The following NBPF20 variants were observed in gnomAD, a reference collection of about 807,000 sequenced individuals.
NBPF20 encodes NBPF member 20, also known as NBPF family member NBPF20.
A neutral mutation model predicts 68.1 loss-of-function variants in NBPF20; 90 were observed. That is an observed-to-expected ratio of 1.32 (90% confidence interval 1.11 to 1.58). The LOEUF is 1.58. Ranked by LOEUF, NBPF20 falls within the 40% of genes most tolerant of loss-of-function variation. The pLI, the probability that NBPF20 is intolerant of heterozygous loss-of-function variation, is 0.00. For missense variants in NBPF20, 816 were observed against 601.2 expected, an observed-to-expected ratio of 1.36 and a Z score of -3.74; for synonymous variants, 290 against 228.1, an observed-to-expected ratio of 1.27 and a Z score of -2.45.
intron 7 of NBPF20, among the ~76,000 whole-genome samples, chr1:145,396,695 T>C (rs1662259449): frequency 1.3e-5 from 2 of 149,362 alleles, no homozygotes; most frequent in Non-Finnish European, 3.0e-5. Flanking sequence ...GGGAGCAATA[T>C]TCAACATTCT....
At chr1:145,291,745 C>A (rs377184242) in exon 138 of NBPF20, 131 of 1,611,912 alleles carry the variant, frequency 8.1e-5, no homozygotes, top group Non-Finnish European at 1.1e-4. Flanking sequence ...CAGGCTCTTC[C>A]ACTTCCATCA....
At chr1:145,405,512 C>G (rs1209209073) in exon 1 of NBPF20, 9 of 1,479,768 alleles carry the variant, frequency 6.1e-6, no homozygotes, top group Non-Finnish European at 6.3e-6. Context: ...CTGCCAGTAG[C>G]TCAGACTCTG....
At chr1:145,422,853 G>A in the NBPF20 span, among the ~76,000 whole-genome samples, 1 of 151,058 alleles carries the variant, frequency 6.6e-6, no homozygotes, top group Non-Finnish European at 1.5e-5. Flanking sequence ...GCCAGGCATG[G>A]TGGCACACTC....
intron 75 of NBPF20, among the ~76,000 whole-genome samples, chr1:145,341,145 G>C: frequency 1.2e-5 from 1 of 80,652 alleles, no homozygotes; most frequent in Middle Eastern, 6.3e-3. Flanking sequence ...GAGAGAGACA[G>C]AGACAGAGAG....
upstream of NBPF20, chr1:145,408,277 A>G (rs1553668245): frequency 6.5e-6 from 1 of 154,594 alleles, no homozygotes; most frequent in African/African-American, 2.4e-5. Flanking sequence ...CACACACCTT[A>G]TTGCTGCCAA....
intron 9 of NBPF20, 62 bp from the exon 15 acceptor site, chr1:145,393,308 C>G (rs1414278066): frequency 1.5e-6 from 1 of 676,586 alleles, no homozygotes; most frequent in Non-Finnish European, 2.7e-6. Context: ...ACAGCCCCAG[C>G]TAGATTTCAT....
the NBPF20 span, among the ~76,000 whole-genome samples, chr1:145,410,648 T>A: frequency 1.3e-5 from 2 of 150,242 alleles, no homozygotes; most frequent in African/African-American, 2.4e-5. Context: ...CTAAGTCTTT[T>A]GAGAAATTGT....
chr1:145,425,331 C>T, the NBPF20 span, among the ~76,000 whole-genome samples: 2 of 151,796 alleles, frequency 1.3e-5, no homozygotes, highest in Non-Finnish European at 2.9e-5. Context: ...ACCGCCCGCC[C>T]GGCCTGGCGC....
intron 8 of NBPF20, among the ~76,000 whole-genome samples, chr1:145,394,276 T>C (rs1308229804): frequency 2.4e-4 from 36 of 151,642 alleles, no homozygotes; most frequent in South Asian, 6.2e-4. Context: ...AAGCTTTCTC[T>C]CATCAAATAC....
the NBPF20 span, among the ~76,000 whole-genome samples, chr1:145,412,364 C>T: frequency 5.9e-5 from 9 of 152,058 alleles, no homozygotes; most frequent in African/African-American, 2.2e-4. Flanking sequence ...TGGGTTGCTG[C>T]ACTCACAACC....
At chr1:145,402,590 C>T (rs1662574328) in intron 3 of NBPF20, among the ~76,000 whole-genome samples, 1 of 151,762 alleles carries the variant, frequency 6.6e-6, no homozygotes. Context: ...GCAAGATCCT[C>T]GATGATGTTC....
upstream of NBPF20, among the ~76,000 whole-genome samples, chr1:145,409,715 C>T (rs2749203): frequency 6.6e-6 from 1 of 151,502 alleles, no homozygotes; most frequent in Non-Finnish European, 1.5e-5. Flanking sequence ...TTTAGATTAA[C>T]TGAATTTAAC....
chr1:145,407,078 CT>C (rs1328737729), upstream of NBPF20, among the ~76,000 whole-genome samples: 1 of 128,522 alleles, frequency 7.8e-6, no homozygotes. Context: ...TTAATATTAA[CT>C]TTTTAAAACA....
chr1:145,393,540 A>C (rs1405695141), intron 9 of NBPF20, among the ~76,000 whole-genome samples: 2 of 152,012 alleles, frequency 1.3e-5, no homozygotes, highest in African/African-American at 2.4e-5. Context: ...AGGGAGTCAA[A>C]GGACACTCTG....
In NBPF20 at chr1:145,404,956, C is replaced by T. The variant is rs1281567956; in HGVS notation, c.175+142G>A. 3 of 1,234,102 alleles carry T rather than the reference C, an allele frequency of 2.4e-6. No homozygotes were observed. The South Asian group carries it at 3.7e-5, about 15-fold the overall frequency. 76.4% of individuals were successfully genotyped at this position (1,234,102 alleles called of 1,614,324 possible). A position where few individuals can be genotyped will look rare whatever the true frequency, so the allele number is the denominator to read the frequency against. ...ATACTTTGGTACCTCTGTCTTCCAACTAACAAAATGTTAAAATACCCATTT... is the reference window on the plus strand; with the variant it reads ...ATACTTTGGTACCTCTGTCTTCCAATTAACAAAATGTTAAAATACCCATTT... On this transcript the variant is annotated intron_variant, in intron 2 of 137. Transcript: ENST00000369373.
At chr1:145,409,970 G>C (rs1662942924), upstream of NBPF20, among the ~76,000 whole-genome samples, 1 of 151,936 alleles carries the variant, frequency 6.6e-6, no homozygotes, top group African/African-American at 2.4e-5. Flanking sequence ...GGAGCCACGA[G>C]AAACAGCATC....
intron 112 of NBPF20, among the ~76,000 whole-genome samples, chr1:145,312,002 G>T (rs1408714620): frequency 3.5e-5 from 2 of 57,798 alleles, no homozygotes. Context: ...GGCATGGCCT[G>T]AGACTAGGAA....
In NBPF20 at chr1:145,400,719, C is replaced by T. The variant is rs1486297482; in HGVS notation, c.567-125G>A. ...GGTCCCAGAAAGCAAAATGGAGGTT[C>T]CCATTAAGGGGGAACATGCAATCCT... On this transcript the variant is annotated intron_variant, in intron 5 of 137. Transcript: ENST00000369373. 15 of 1,451,834 alleles carry T rather than the reference C, an allele frequency of 1.0e-5. No homozygotes were observed. In the South Asian group the frequency reaches 1.5e-4, roughly 14 times the overall value. The allele number at this position is 1,451,834 out of a possible 1,614,324, so 89.9% of individuals were successfully genotyped here.
intron 7 of NBPF20, among the ~76,000 whole-genome samples, chr1:145,397,037 C>T (rs1188239116): frequency 6.3e-5 from 8 of 126,940 alleles, no homozygotes; most frequent in African/African-American, 2.5e-4. Context: ...TTTGTCCTTG[C>T]AATAGTTTGC....
Sources: gnomAD v4.1 joint callset for allele counts (sites outside exome capture counted in the v4.1 genomes callset) on GRCh38, gnomAD v4.1.1 for gene constraint, MANE v1.5 for transcripts, NCBI Gene and HGNC (gene_info 2026-07-23, HGNC 2026-07-21) for gene names.